Variants in ANO6 observed in about 807,000 individuals in gnomAD.
The protein encoded by ANO6 is anoctamin-6.
Under a neutral mutation model 117.5 loss-of-function variants are expected in ANO6, and 106 were observed. The ratio of observed to expected loss-of-function variants is 0.90; its 90% CI spans 0.77 to 1.06. ANO6 has a LOEUF of 1.06. ANO6 is among the 50% of genes least tolerant of loss of function. The probability of loss-of-function intolerance (pLI) is 0.00; values close to 1 mark genes in which losing one functional copy is unlikely to be tolerated. For missense variants in ANO6, 955 were observed against 1,121.1 expected, an observed-to-expected ratio of 0.85 and a Z score of 2.12; for synonymous variants, 367 against 385.1, an observed-to-expected ratio of 0.95 and a Z score of 0.55.
intron 1 of ANO6, among the ~76,000 whole-genome samples, chr12:45,298,501 C>T (rs1939371194): frequency 6.6e-6 from 1 of 152,082 alleles, no homozygotes; most frequent in Non-Finnish European, 1.5e-5. Flanking sequence ...TAACTAGAGC[C>T]CCTCAGTAGT....
chr12:45,219,538 G>A (rs960973874), intron 1 of ANO6, among the ~76,000 whole-genome samples: 4 of 147,108 alleles, frequency 2.7e-5, no homozygotes. Context: ...TAGAGACAAG[G>A]TCTCACTGTT....
At chr12:45,352,857 A>G (rs1197908851) in intron 7 of ANO6, among the ~76,000 whole-genome samples, 1 of 152,228 alleles carries the variant, frequency 6.6e-6, no homozygotes, top group African/African-American at 2.4e-5. Flanking sequence ...GTTGCAGTTA[A>G]TACAATCTCT....
intron 2 of ANO6, among the ~76,000 whole-genome samples, chr12:45,318,717 T>C (rs897639009): frequency 5.2e-4 from 79 of 152,262 alleles, no homozygotes; most frequent in Non-Finnish European, 1.0e-3. Flanking sequence ...CCTTGGGCAG[T>C]ATGGCCATTT....
At chr12:45,234,798 C>G (rs1168579370) in intron 1 of ANO6, among the ~76,000 whole-genome samples, 1 of 150,316 alleles carries the variant, frequency 6.7e-6, no homozygotes, top group African/African-American at 2.4e-5. Context: ...AATTCTGACT[C>G]CAGGCAGGCA....
Position 45,420,244 on chromosome 12 carries a change from G to A in ANO6, c.2218-827G>A, listed in dbSNP as rs2137696966. ...AAATTTAGATCAAGGAAAACATGCA[G>A]TTTACCTTCTGTGTTTATGAAAAGA... On this transcript the variant is annotated intron_variant, in intron 17 of 19. Transcript: ENST00000320560. 1.3e-5 allele frequency among the ~76,000 whole-genome samples: 2 copies of A among 152,214 alleles called. 1 individual carries two copies. The highest frequency in any genetic ancestry group is 4.1e-4 in the South Asian group (2 of 4,822).
intron 10 of ANO6, among the ~76,000 whole-genome samples, chr12:45,381,463 G>A (rs965091049): frequency 5.9e-5 from 9 of 152,138 alleles, no homozygotes; most frequent in Non-Finnish European, 1.0e-4. Context: ...GATCATGCAC[G>A]GTCACCCCAG....
chr12:45,286,434 A>G (rs1938916968), intron 1 of ANO6, among the ~76,000 whole-genome samples: 2 of 152,250 alleles, frequency 1.3e-5, no homozygotes, highest in Non-Finnish European at 2.9e-5. Context: ...AAAAATATCC[A>G]TACATTCAAG....
At chr12:45,294,196 T>C (rs1002825851) in intron 1 of ANO6, among the ~76,000 whole-genome samples, 5 of 152,150 alleles carry the variant, frequency 3.3e-5, no homozygotes, top group African/African-American at 9.7e-5. Context: ...GCTCCCGCTT[T>C]TGGATTGGGG....
At chr12:45,375,490 C>A (rs564093564) in intron 9 of ANO6, among the ~76,000 whole-genome samples, 24 of 152,246 alleles carry the variant, frequency 1.6e-4, no homozygotes, top group South Asian at 1.5e-3. Flanking sequence ...CAGCATGGTA[C>A]TGGTACCAAA....
At chr12:45,297,590 A>G (rs1206751003) in intron 1 of ANO6, among the ~76,000 whole-genome samples, 1 of 152,200 alleles carries the variant, frequency 6.6e-6, no homozygotes, top group Non-Finnish European at 1.5e-5. Flanking sequence ...GTGTTGCATT[A>G]TTAATATGAC....
intron 3 of ANO6, among the ~76,000 whole-genome samples, chr12:45,343,778 A>C (rs1211112148): frequency 6.6e-6 from 1 of 152,172 alleles, no homozygotes; most frequent in African/African-American, 2.4e-5. Flanking sequence ...TGTCCTGAGC[A>C]CAGGGCTGCT....
intron 1 of ANO6, among the ~76,000 whole-genome samples, chr12:45,245,324 G>A (rs1947807997): frequency 6.6e-6 from 1 of 151,722 alleles, no homozygotes. Flanking sequence ...ACATTTCTGT[G>A]TACTAAAATA....
intron 8 of ANO6, among the ~76,000 whole-genome samples, chr12:45,363,719 T>C (rs1941615275): frequency 6.6e-6 from 1 of 152,176 alleles, no homozygotes; most frequent in Admixed American, 6.5e-5. Flanking sequence ...AATTGAATCA[T>C]GTGGGCAGTT....
At chr12:45,317,722 G>A (rs181076416) in intron 2 of ANO6, among the ~76,000 whole-genome samples, 2,493 of 152,220 alleles carry the variant, frequency 0.016, 43 homozygotes, top group South Asian at 0.072. Context: ...GGTTGAACTA[G>A]TTTACAGTCC....
intron 2 of ANO6, among the ~76,000 whole-genome samples, chr12:45,323,445 T>A (rs1940347904): frequency 6.6e-6 from 1 of 152,150 alleles, no homozygotes; most frequent in East Asian, 1.9e-4. Flanking sequence ...CAGGTGGAAG[T>A]TTCTGATGAT....
At chr12:45,418,677 CA>C (rs774820785) in intron 17 of ANO6, among the ~76,000 whole-genome samples, 3 of 152,130 alleles carry the variant, frequency 2.0e-5, no homozygotes, top group Non-Finnish European at 4.4e-5. Flanking sequence ...GCATCCATGC[CA>C]TGGCTCTACT....
intron 3 of ANO6, among the ~76,000 whole-genome samples, chr12:45,334,662 A>T (rs1180605115): frequency 6.6e-6 from 1 of 152,080 alleles, no homozygotes; most frequent in East Asian, 1.9e-4. Flanking sequence ...GAGTCACCTG[A>T]TCACAGAATA....
At chr12:45,244,407 G>GGT (rs1491410374) in intron 1 of ANO6, among the ~76,000 whole-genome samples, 2 of 146,606 alleles carry the variant, frequency 1.4e-5, no homozygotes, top group African/African-American at 5.3e-5. Context: ...TCTATTTGGG[G>GGT]GGGGGGGGTG....
intron 1 of ANO6, among the ~76,000 whole-genome samples, chr12:45,285,685 C>T (rs779883759): frequency 4.0e-5 from 6 of 150,662 alleles, no homozygotes; most frequent in South Asian, 2.1e-4. Flanking sequence ...GCCGAGATCG[C>T]GCCACTGCAC....
Sources: allele counts gnomAD v4.1 joint callset (sites outside exome capture counted in the v4.1 genomes callset), GRCh38; gene constraint gnomAD v4.1.1; transcripts MANE v1.5; gene names NCBI Gene and HGNC (gene_info 2026-07-23, HGNC 2026-07-21).